The following RORB variants were observed in gnomAD, a reference collection of about 807,000 sequenced individuals.
The protein encoded by RORB is nuclear receptor ROR-beta.
In RORB, 6 loss-of-function variants were observed where a neutral mutation model predicts 59.1. The observed-to-expected ratio is 0.10, with a 90% confidence interval of 0.06 to 0.20. The LOEUF is 0.20. Among genes scored for constraint, RORB ranks in the 10% least tolerant of loss-of-function variants. The probability of loss-of-function intolerance (pLI) is 1.00; values close to 1 mark genes in which losing one functional copy is unlikely to be tolerated. For missense variants in RORB, 320 were observed against 560.5 expected (o/e 0.57, Z 4.33); for synonymous variants, 215 against 204.5 (o/e 1.05, Z -0.44).
chr9:74,610,006 C>T (rs1275165681), intron 1 of RORB, among the ~76,000 whole-genome samples: 1 of 152,234 alleles, frequency 6.6e-6, no homozygotes, highest in African/African-American at 2.4e-5. Context: ...GCTCTAGAAC[C>T]TGCCTTTTGG....
intron 1 of RORB, among the ~76,000 whole-genome samples, chr9:74,610,517 C>T (rs1199979934): frequency 6.6e-6 from 1 of 152,162 alleles, no homozygotes; most frequent in Non-Finnish European, 1.5e-5. Flanking sequence ...TTAAATTCTT[C>T]AAATATTCTC....
At chr9:74,625,337 A>G (rs922170532) in intron 1 of RORB, among the ~76,000 whole-genome samples, 1 of 151,928 alleles carries the variant, frequency 6.6e-6, no homozygotes, top group Non-Finnish European at 1.5e-5. Context: ...AATCAGACCC[A>G]GCATGGTGGC....
Position 74,692,758 on chromosome 9 carries a change from T to C in RORB, c.*7140T>C, listed in dbSNP as rs1466906106. On this transcript the variant is annotated 3_prime_UTR_variant, in exon 10 of 10. Coordinates refer to ENST00000376896, the MANE Select transcript of RORB (RefSeq NM_006914.4). ...GGAGTTTAATTACATTATTACCATG[T>C]ATTCTTATTGGCCTGTAGAGGAAAA... is the stretch of plus-strand genomic sequence containing the variant. 1 of 152,246 alleles carries C rather than the reference T, an allele frequency of 6.6e-6. No homozygotes were observed. Among genetic ancestry groups the C allele is most frequent in the Non-Finnish European group, 1.5e-5 (1 of 68,044 alleles). 9.4% of individuals were successfully genotyped at this position (152,246 alleles called of 1,614,324 possible).
At chr9:74,523,000 G>A (rs1826104264) in intron 1 of RORB, among the ~76,000 whole-genome samples, 1 of 151,818 alleles carries the variant, frequency 6.6e-6, no homozygotes, top group South Asian at 2.1e-4. Context: ...TGCATAACAA[G>A]CAGTAAACAT....
chr9:74,579,591 T>A (rs1166654586), intron 1 of RORB, among the ~76,000 whole-genome samples: 4 of 152,182 alleles, frequency 2.6e-5, no homozygotes, highest in Non-Finnish European at 4.4e-5. Context: ...AGCTTCTGGA[T>A]AACGAGCTTA....
intron 1 of RORB, among the ~76,000 whole-genome samples, chr9:74,583,360 T>G (rs1420120361): frequency 6.6e-6 from 1 of 152,152 alleles, no homozygotes; most frequent in Non-Finnish European, 1.5e-5. Context: ...GGATCCATTT[T>G]CTGTAGACAG....
chr9:74,624,313 G>C (rs1044637360), intron 1 of RORB, among the ~76,000 whole-genome samples: 1 of 152,148 alleles, frequency 6.6e-6, no homozygotes, highest in Non-Finnish European at 1.5e-5. Context: ...ATAGACGTGA[G>C]AGTGTTATAG....
chr9:74,549,486 G>A (rs1447712163), intron 1 of RORB, among the ~76,000 whole-genome samples: 1 of 134,774 alleles, frequency 7.4e-6, no homozygotes, highest in Non-Finnish European at 1.6e-5. Flanking sequence ...GGTAGGGAGG[G>A]AGAGAGAGAG....
chr9:74,685,773 G>A lies in RORB; in HGVS notation c.*155G>A. On this transcript the variant is annotated 3_prime_UTR_variant, in exon 10 of 10. Coordinates refer to ENST00000376896, the MANE Select transcript of RORB (RefSeq NM_006914.4). ...TTTTCACCGCTACAGTTTGAAGAAT[G>A]TAAATATGCACCTGAGTGGGGCTCT... 2.1e-6 allele frequency: 1 copy of A among 474,970 alleles called. No homozygotes were observed. The highest frequency in any genetic ancestry group is 3.5e-6 in the Non-Finnish European group (1 of 287,140). 29.4% of individuals were successfully genotyped at this position (474,970 alleles called of 1,614,324 possible).
intron 4 of RORB, among the ~76,000 whole-genome samples, chr9:74,647,493 C>T (rs981781044): frequency 4.6e-5 from 7 of 152,180 alleles, no homozygotes; most frequent in Admixed American, 1.3e-4. Flanking sequence ...CTTTTACAAA[C>T]ATCACCATGG....
At chr9:74,550,385 A>G (rs1204961483) in intron 1 of RORB, among the ~76,000 whole-genome samples, 1 of 152,226 alleles carries the variant, frequency 6.6e-6, no homozygotes, top group Non-Finnish European at 1.5e-5. Context: ...AAATCAGGAT[A>G]ACCTGAACTC....
At chr9:74,657,418 C>T (rs1033531075) in intron 4 of RORB, among the ~76,000 whole-genome samples, 2 of 151,940 alleles carry the variant, frequency 1.3e-5, no homozygotes, top group Non-Finnish European at 2.9e-5. Context: ...GGAGACTGGT[C>T]CTAAAGAAGT....
chr9:74,504,602 C>A (rs1279950884), intron 1 of RORB, among the ~76,000 whole-genome samples: 1 of 152,004 alleles, frequency 6.6e-6, no homozygotes, highest in East Asian at 1.9e-4. Flanking sequence ...TGGGTATTTA[C>A]TAATGTCATT....
intron 1 of RORB, among the ~76,000 whole-genome samples, chr9:74,543,369 G>C (rs73652814): frequency 6.6e-6 from 1 of 152,148 alleles, no homozygotes; most frequent in Non-Finnish European, 1.5e-5. Flanking sequence ...CATGCCACTC[G>C]TCCAACTCAT....
intron 1 of RORB, among the ~76,000 whole-genome samples, chr9:74,552,238 A>T (rs1826622254): frequency 6.6e-6 from 1 of 152,164 alleles, no homozygotes; most frequent in Non-Finnish European, 1.5e-5. Flanking sequence ...CATCAGTGGA[A>T]GTGATCAAGT....
chr9:74,562,534 A>T (rs139144729), intron 1 of RORB, among the ~76,000 whole-genome samples: 129 of 152,304 alleles, frequency 8.5e-4, no homozygotes, highest in African/African-American at 3.1e-3. Context: ...CTGTCTTGCT[A>T]GTTTGCCTCT....
chr9:74,685,484 A>G lies in RORB; in HGVS notation c.1246A>G (p.Ile416Val). The G allele has an allele frequency of 6.2e-7, 1 of 1,612,388 alleles. No homozygotes were observed. The highest frequency in any genetic ancestry group is 8.5e-7 in the Non-Finnish European group (1 of 1,178,828). The change falls in exon 10 of 10, where the codon ATC (isoleucine) becomes GTC (valine). Residue 416 changes from isoleucine (I) to valine (V), a missense_variant. Around this residue, in one of 4 missense-constraint regions of RORB, gnomAD observed 109 missense variants for 171.0 expected, o/e 0.64. Coordinates refer to ENST00000376896, the MANE Select transcript of RORB (RefSeq NM_006914.4). ...GCAGTTAATAGCCAAGATACCAACC[A>G]TCACGGCAGTTTGCAACTTGCACGG... ...LAKLIAKIPT[I>V]TAVCNLHGEK...
chr9:74,615,574 G>A (rs1401438670), intron 1 of RORB: 1 of 452,896 alleles, frequency 2.2e-6, no homozygotes, highest in Non-Finnish European at 4.4e-6. Context: ...ATATTTTTCA[G>A]TTAGACTTTT....
chr9:74,554,598 G>T (rs1563936090), intron 1 of RORB, among the ~76,000 whole-genome samples: 1 of 151,918 alleles, frequency 6.6e-6, no homozygotes, highest in Admixed American at 6.6e-5. Context: ...AGAATAGAAG[G>T]TCACTATCTA....
Sources: gnomAD v4.1 joint callset for allele counts (sites outside exome capture counted in the v4.1 genomes callset) on GRCh38, gnomAD v4.1.1 for gene constraint, gnomAD v4.1.1 regional missense constraint, MANE v1.5 for transcripts, NCBI Gene and HGNC (gene_info 2026-07-23, HGNC 2026-07-21) for gene names.